LPP: variants seen among roughly 807,000 people sequenced by gnomAD.
The protein encoded by LPP is lipoma-preferred partner.
LPP carries 38 observed loss-of-function variants against 60.4 expected under a neutral mutation model. The observed-to-expected ratio is 0.63, with a 90% CI of 0.49 to 0.83. LPP has a LOEUF of 0.83. Ranked by LOEUF, LPP falls within the 40% of genes least tolerant of loss-of-function variation. LPP has a pLI of 0.00. For missense variants in LPP, 902 were observed against 783.6 expected (o/e 1.15, Z -1.80); for synonymous variants, 328 against 290.8 (o/e 1.13, Z -1.30).
chr3:188,203,333 TAC>T (rs1272105143), intron 1 of LPP, among the ~76,000 whole-genome samples: 1 of 110,344 alleles, frequency 9.1e-6, no homozygotes, highest in African/African-American at 3.8e-5. Flanking sequence ...ATTTTATATT[TAC>T]ATATATATTT....
chr3:188,491,943 TC>T (rs139948813), intron 5 of LPP, among the ~76,000 whole-genome samples: 3 of 152,202 alleles, frequency 2.0e-5, no homozygotes, highest in Non-Finnish European at 4.4e-5. Flanking sequence ...GGTAAAACTT[TC>T]CCCTGGGATT....
Position 188,463,327 on chromosome 3 carries a change from C to T in LPP, c.194-21265C>T, listed in dbSNP as rs534507829. ...GTCTCAACCTCCAGAGTAACTAGGACTATAGGTGTGTGTCATCATGCCTGA... is the reference window on the plus strand; with the variant it reads ...GTCTCAACCTCCAGAGTAACTAGGATTATAGGTGTGTGTCATCATGCCTGA... On this transcript the variant is annotated intron_variant, in intron 4 of 11. Transcript: ENST00000617246. Among the ~76,000 whole-genome samples the T allele has an allele frequency of 2.0e-4, 30 of 149,840 alleles. No homozygotes were observed. In the South Asian group the frequency reaches 6.4e-3, roughly 32 times the overall value.
At chr3:188,784,032 GTA>G (rs1412646312) in intron 9 of LPP, among the ~76,000 whole-genome samples, 1 of 152,058 alleles carries the variant, frequency 6.6e-6, no homozygotes, top group African/African-American at 2.4e-5. Context: ...CACCCAAGCA[GTA>G]TATACTGCAC....
In LPP at chr3:188,272,659, G is replaced by C. The variant is rs78925762; in HGVS notation, c.-67+47132G>C. Among the ~76,000 whole-genome samples the C allele has an allele frequency of 5.8e-3, 885 of 152,216 alleles. 10 individuals carry two copies. Among genetic ancestry groups the C allele is most frequent in the African/African-American group, 0.02 (841 of 41,506 alleles). On this transcript the variant is annotated intron_variant, in intron 2 of 11. Coordinates refer to ENST00000617246, the MANE Select transcript of LPP (RefSeq NM_001375462.1). Reference sequence around the variant, plus strand: ...TGAGAAGAATGAATCAGGATGCTGGGGTTCTGTGATAGACTCTACAAATAG... The same window carrying C: ...TGAGAAGAATGAATCAGGATGCTGGCGTTCTGTGATAGACTCTACAAATAG...
intron 6 of LPP, chr3:188,562,228 A>T (rs1007280986): frequency 6.6e-6 from 1 of 152,058 alleles, no homozygotes; most frequent in East Asian, 1.9e-4. Flanking sequence ...CATAAAAAAG[A>T]CAATGAAAAT....
At chr3:188,734,000 T>C (rs994229503) in intron 8 of LPP, among the ~76,000 whole-genome samples, 7 of 152,190 alleles carry the variant, frequency 4.6e-5, no homozygotes, top group African/African-American at 1.4e-4. Flanking sequence ...AGTGTGTATA[T>C]GTGTGTGTGT....
chr3:188,388,485 A>G (rs1478874896), intron 3 of LPP, among the ~76,000 whole-genome samples: 1 of 152,188 alleles, frequency 6.6e-6, no homozygotes, highest in East Asian at 1.9e-4. Flanking sequence ...TGATTGAAGG[A>G]GGAGGTGGTG....
At chr3:188,301,079 T>C (rs943193211) in intron 2 of LPP, among the ~76,000 whole-genome samples, 2 of 152,224 alleles carry the variant, frequency 1.3e-5, no homozygotes, top group African/African-American at 4.8e-5. Context: ...TGTTTTTCCA[T>C]ACACCTGCCC....
intron 3 of LPP, among the ~76,000 whole-genome samples, chr3:188,368,223 A>T (rs1771793411): frequency 6.6e-6 from 1 of 152,240 alleles, no homozygotes; most frequent in Non-Finnish European, 1.5e-5. Flanking sequence ...GTTTTTAAGC[A>T]AAACTTTGTT....
intron 4 of LPP, among the ~76,000 whole-genome samples, chr3:188,452,728 C>T (rs1036017179): frequency 3.9e-5 from 6 of 152,156 alleles, no homozygotes; most frequent in Non-Finnish European, 8.8e-5. Context: ...ATTTTTGAGG[C>T]ATGAAGTGGC....
rs1424887384 is a variant in LPP at position 188,182,361 on chromosome 3, C to T, written c.-190+28109C>T. On this transcript the variant is annotated intron_variant, in intron 1 of 11. Transcript: ENST00000617246. The surrounding 1 kb of genome is among the most constrained non-coding windows in gnomAD (Gnocchi z 4.4). ...AGCATTACTGTAGAGCTCACCTCTG[C>T]TATATTCATCATGTACTTATTTATA... 6.6e-6 allele frequency among the ~76,000 whole-genome samples: 1 copy of T among 152,180 alleles called. No individual in the cohort carries two copies. Among genetic ancestry groups the T allele is most frequent in the Admixed American group, 6.5e-5 (1 of 15,280 alleles).
chr3:188,690,387 A>T (rs1383220062), intron 7 of LPP, among the ~76,000 whole-genome samples: 1 of 152,198 alleles, frequency 6.6e-6, no homozygotes, highest in Non-Finnish European at 1.5e-5. Context: ...TGCTAGCAGA[A>T]AGTATTTGTT....
rs138225938 is a variant in LPP at position 188,450,167 on chromosome 3, G to T, written c.194-34425G>T. ...TTAATGTCACATATTATTCGTGTGA[G>T]TTAGATTTGTAAATTTGATTAGCGC... is the stretch of plus-strand genomic sequence containing the variant. On this transcript the variant is annotated intron_variant, in intron 4 of 11. Transcript: ENST00000617246. Among the ~76,000 whole-genome samples, 202 of 152,280 alleles carry T rather than the reference G, an allele frequency of 1.3e-3. 1 individual carries two copies. Among genetic ancestry groups the T allele is most frequent in the African/African-American group, 4.5e-3 (188 of 41,556 alleles).
At chr3:188,170,986 CT>C (rs1201044878) in intron 1 of LPP, among the ~76,000 whole-genome samples, 1 of 152,162 alleles carries the variant, frequency 6.6e-6, no homozygotes, top group Non-Finnish European at 1.5e-5. Flanking sequence ...CTTTCAGAGC[CT>C]CTCAGCAATA....
intron 2 of LPP, among the ~76,000 whole-genome samples, chr3:188,303,149 C>T (rs1020655474): frequency 6.6e-6 from 1 of 152,114 alleles, no homozygotes; most frequent in African/African-American, 2.4e-5. Flanking sequence ...ATTTGTGGTC[C>T]ATAAGGTGTC....
chr3:188,524,970 TC>T (rs1243486116), intron 6 of LPP, among the ~76,000 whole-genome samples, 183 bp downstream of exon 6: 1 of 63,776 alleles, frequency 1.6e-5, no homozygotes, highest in African/African-American at 5.1e-5. Flanking sequence ...TCTTTCTTTC[TC>T]TTTTTTTTTT....
intron 1 of LPP, among the ~76,000 whole-genome samples, chr3:188,173,187 G>A (rs1722067029): frequency 6.6e-6 from 1 of 152,058 alleles, no homozygotes; most frequent in Non-Finnish European, 1.5e-5. Flanking sequence ...TTAATATTTA[G>A]AGAAGGATTC....
At chr3:188,393,731 T>C (rs1780246430) in intron 3 of LPP, among the ~76,000 whole-genome samples, 1 of 152,224 alleles carries the variant, frequency 6.6e-6, no homozygotes, top group African/African-American at 2.4e-5. Context: ...GGTTTAAGTT[T>C]ACCTTCTCTT....
intron 4 of LPP, among the ~76,000 whole-genome samples, chr3:188,421,301 T>G (rs927417359): frequency 6.6e-6 from 1 of 152,180 alleles, no homozygotes; most frequent in African/African-American, 2.4e-5. Flanking sequence ...TGGCCTATTT[T>G]AGTGAACCAC....
Sources: allele counts gnomAD v4.1 joint callset (sites outside exome capture counted in the v4.1 genomes callset), GRCh38; gene constraint gnomAD v4.1.1; non-coding constraint Gnocchi (gnomAD v3.1); transcripts MANE v1.5; gene names NCBI Gene and HGNC (gene_info 2026-07-23, HGNC 2026-07-21).